PTPRD: variants seen among roughly 807,000 people sequenced by gnomAD.
PTPRD encodes protein tyrosine phosphatase receptor type D.
In PTPRD, 34 loss-of-function variants were observed where a neutral mutation model predicts 214.5. The ratio of observed to expected loss-of-function variants is 0.16; its 90% CI spans 0.12 to 0.21. The LOEUF is 0.21. Among genes scored for constraint, PTPRD ranks in the 10% least tolerant of loss-of-function variants. The pLI, the probability that PTPRD is intolerant of heterozygous loss-of-function variation, is 1.00. For missense variants in PTPRD, 2,545 were observed against 2,398.7 expected, an observed-to-expected ratio of 1.06 and a Z score of -1.27; for synonymous variants, 1,128 against 845.7, an observed-to-expected ratio of 1.33 and a Z score of -5.79.
intron 11 of PTPRD, among the ~76,000 whole-genome samples, chr9:8,939,453 A>C (rs143094283): frequency 8.1e-4 from 124 of 152,310 alleles, no homozygotes; most frequent in African/African-American, 2.7e-3. Context: ...CTGTGACTCT[A>C]TAATTTATTA....
At chr9:9,738,535 C>T (rs2098342071) in intron 6 of PTPRD, among the ~76,000 whole-genome samples, 1 of 143,448 alleles carries the variant, frequency 7.0e-6, no homozygotes. Flanking sequence ...CCTCTGCCTC[C>T]TGGGTTCAAG....
intron 5 of PTPRD, among the ~76,000 whole-genome samples, chr9:9,794,699 T>C (rs891142357): frequency 3.9e-5 from 6 of 152,162 alleles, no homozygotes; most frequent in African/African-American, 1.4e-4. Context: ...TGTTCTCAAT[T>C]TTACAGATAA....
chr9:10,058,001 G>C (rs1006834067), intron 3 of PTPRD, among the ~76,000 whole-genome samples: 1 of 152,166 alleles, frequency 6.6e-6, no homozygotes, highest in East Asian at 1.9e-4. Context: ...CACGTAAGAT[G>C]ATTGCATTTT....
intron 10 of PTPRD, among the ~76,000 whole-genome samples, chr9:9,068,758 C>T (rs926799482): frequency 6.6e-5 from 10 of 151,954 alleles, no homozygotes; most frequent in African/African-American, 1.5e-4. Flanking sequence ...ATTACAGGCG[C>T]GTGTCACCAT....
At chr9:9,744,893 G>C (rs1157762119) in intron 6 of PTPRD, among the ~76,000 whole-genome samples, 1 of 151,914 alleles carries the variant, frequency 6.6e-6, no homozygotes, top group Admixed American at 6.6e-5. Flanking sequence ...ATGTGCTTGA[G>C]TATATCATTT....
At chr9:8,841,712 T>TTA (rs1555415923) in intron 11 of PTPRD, among the ~76,000 whole-genome samples, 30 of 150,740 alleles carry the variant, frequency 2.0e-4, no homozygotes, top group Admixed American at 4.0e-4. Flanking sequence ...AGAAGTGACT[T>TTA]AAAAAAAAAA....
intron 3 of PTPRD, among the ~76,000 whole-genome samples, chr9:10,181,988 G>A (rs1480698036): frequency 6.8e-6 from 1 of 147,116 alleles, no homozygotes; most frequent in Non-Finnish European, 1.5e-5. Context: ...GGGTGCAGTG[G>A]CTCACGCCTG....
At chr9:9,746,965 C>T (rs1004921558) in intron 6 of PTPRD, among the ~76,000 whole-genome samples, 15 of 151,958 alleles carry the variant, frequency 9.9e-5, no homozygotes, top group African/African-American at 3.4e-4. Context: ...ACAGTAGTAG[C>T]CCTGTAGGTG....
At chr9:8,938,762 A>G (rs780338058) in intron 11 of PTPRD, among the ~76,000 whole-genome samples, 6 of 152,160 alleles carry the variant, frequency 3.9e-5, no homozygotes, top group Non-Finnish European at 8.8e-5. Flanking sequence ...CCTTTCCCCA[A>G]GACACTGTCT....
chr9:9,320,201 T>C (rs904945252), intron 9 of PTPRD, among the ~76,000 whole-genome samples: 2 of 152,182 alleles, frequency 1.3e-5, no homozygotes, highest in African/African-American at 4.8e-5. Flanking sequence ...TTTTATTTCT[T>C]CCTTTTGTTC....
intron 11 of PTPRD, among the ~76,000 whole-genome samples, chr9:8,997,631 A>G (rs1048332346): frequency 6.6e-6 from 1 of 152,064 alleles, no homozygotes; most frequent in African/African-American, 2.4e-5. Context: ...ATGCCCATTA[A>G]TAACCTATAA....
At chr9:9,373,104 AT>A (rs972836481) in intron 9 of PTPRD, among the ~76,000 whole-genome samples, 11 of 152,020 alleles carry the variant, frequency 7.2e-5, no homozygotes, top group African/African-American at 2.4e-4. Context: ...TTCCTTAGCC[AT>A]CAAATTGTAT....
chr9:10,141,385 T>C (rs2098983924), intron 3 of PTPRD, among the ~76,000 whole-genome samples: 1 of 152,120 alleles, frequency 6.6e-6, no homozygotes, highest in Admixed American at 6.6e-5. Context: ...CTTAAGCTGA[T>C]AAGCAACTTC....
At chr9:9,784,627 C>G (rs115725283) in intron 5 of PTPRD, among the ~76,000 whole-genome samples, 1 of 151,832 alleles carries the variant, frequency 6.6e-6, no homozygotes, top group Non-Finnish European at 1.5e-5. Flanking sequence ...GATCAATAAC[C>G]TAGCAGACCA....
Position 10,250,984 on chromosome 9 carries a change from T to C in PTPRD, c.-545+89979A>G, listed in dbSNP as rs184147735. ...TTCAGTGCTACAAAAGTTTTTCATT[T>C]GTCAGAAATGTAATTGTTTATGTTA... is the stretch of plus-strand genomic sequence containing the variant. On this transcript the variant is annotated intron_variant, in intron 3 of 45. Coordinates refer to ENST00000381196, the MANE Select transcript of PTPRD (RefSeq NM_002839.4). 9.2e-4 allele frequency among the ~76,000 whole-genome samples: 140 copies of C among 152,188 alleles called. 1 individual carries two copies. The South Asian group carries it at 0.027, about 29-fold the overall frequency.
intron 2 of PTPRD, among the ~76,000 whole-genome samples, chr9:10,356,841 G>T (rs540815640): frequency 2.1e-3 from 313 of 151,868 alleles, no homozygotes; most frequent in African/African-American, 7.3e-3. Flanking sequence ...CACCATGCCC[G>T]GCTAATTTTT....
intron 12 of PTPRD, among the ~76,000 whole-genome samples, chr9:8,644,281 G>A (rs940467566): frequency 2.0e-5 from 3 of 152,080 alleles, no homozygotes; most frequent in African/African-American, 4.8e-5. Flanking sequence ...CTCTCTGACA[G>A]GAGCTGAACA....
intron 5 of PTPRD, among the ~76,000 whole-genome samples, chr9:9,920,634 G>A (rs1357434688): frequency 6.6e-6 from 1 of 152,130 alleles, no homozygotes; most frequent in African/African-American, 2.4e-5. Context: ...GGTAGAAGGA[G>A]ATGCCAATTG....
chr9:8,779,194 G>A (rs2095600647), intron 11 of PTPRD, among the ~76,000 whole-genome samples: 1 of 152,128 alleles, frequency 6.6e-6, no homozygotes, highest in Non-Finnish European at 1.5e-5. Flanking sequence ...GACAGAGAGA[G>A]CGAGCGAATA....
Sources: allele counts gnomAD v4.1 joint callset (sites outside exome capture counted in the v4.1 genomes callset), GRCh38; gene constraint gnomAD v4.1.1; transcripts MANE v1.5; gene names NCBI Gene and HGNC (gene_info 2026-07-23, HGNC 2026-07-21).